The following HRK variants were observed in gnomAD, a reference collection of about 807,000 sequenced individuals.
The protein encoded by HRK is harakiri, BCL2 interacting protein, also known as activator of apoptosis harakiri.
In HRK, 6 loss-of-function variants were observed where a neutral mutation model predicts 5.9. The ratio of observed to expected loss-of-function variants is 1.02; its 90% CI spans 0.56 to 2.01. The LOEUF (loss-of-function observed/expected upper bound fraction) is 2.01, where lower values mean the gene tolerates loss of function less well. Among genes scored for constraint, HRK ranks in the 30% most tolerant of loss-of-function variants. The probability of loss-of-function intolerance (pLI) is 0.00; values close to 1 mark genes in which losing one functional copy is unlikely to be tolerated. For missense variants in HRK, 133 were observed against 128.3 expected (o/e 1.04, Z -0.18); for synonymous variants, 85 against 65.1 (o/e 1.31, Z -1.47).
chr12:116,860,377 G>A lies in HRK; in HGVS notation c.*1146C>T, dbSNP rs890242826. 1.4e-4 allele frequency: 22 copies of A among 152,048 alleles called. No individual in the cohort carries two copies. Among genetic ancestry groups the A allele is most frequent in the African/African-American group, 5.3e-4 (22 of 41,398 alleles). The allele number at this position is 152,048 out of a possible 1,614,324, so 9.4% of individuals were successfully genotyped here. A position where few individuals can be genotyped will look rare whatever the true frequency, so the allele number is the denominator to read the frequency against. On this transcript the variant is annotated 3_prime_UTR_variant, in exon 2 of 2. Transcript: ENST00000257572. ...GATGCTGGTGCATTTCATTTAAATG[G>A]CCCACTCCCTCCCACAACATCCCCC...
At position 116,857,816 on chromosome 12, in the gene HRK, G is replaced by A. The variant is rs11068211; in HGVS notation, c.*3707C>T. 0.23 allele frequency: 35,204 copies of A among 152,096 alleles called. 5,693 individuals carry two copies. Among genetic ancestry groups the A allele is most frequent in the African/African-American group, 0.46 (19,098 of 41,420 alleles). 9.4% of individuals were successfully genotyped at this position (152,096 alleles called of 1,614,324 possible). A position where few individuals can be genotyped will look rare whatever the true frequency, so the allele number is the denominator to read the frequency against. ...TGCCTGTAATCCCAGCACTTTGGGA[G>A]GCCAAGGCAGGTGGATCACTTGAGG... On this transcript the variant is annotated 3_prime_UTR_variant, in exon 2 of 2. Transcript: ENST00000257572.
chr12:116,880,982 C>T lies in HRK; in HGVS notation c.*50G>A. On this transcript the variant is annotated 3_prime_UTR_variant, in exon 1 of 2. Coordinates refer to ENST00000257572, the MANE Select transcript of HRK (RefSeq NM_003806.4). ...CGCTCGCTCGCTCGCGTACCTGTTG[C>T]TCGCTCCGGCTGGGTCTCGGCTCCG... is the stretch of plus-strand genomic sequence containing the variant. 1 of 1,253,362 alleles carries T rather than the reference C, an allele frequency of 8.0e-7. No homozygotes were observed. Among genetic ancestry groups the T allele is most frequent in the Non-Finnish European group, 1.0e-6 (1 of 988,936 alleles). 77.6% of individuals were successfully genotyped at this position (1,253,362 alleles called of 1,614,324 possible). A position where few individuals can be genotyped will look rare whatever the true frequency, so the allele number is the denominator to read the frequency against.
chr12:116,872,846 G>A (rs1046250883), intron 1 of HRK, among the ~76,000 whole-genome samples: 1 of 138,132 alleles, frequency 7.2e-6, no homozygotes, highest in Non-Finnish European at 1.6e-5. Flanking sequence ...CGGAAGGAAG[G>A]AAGGAAGAGA....
At chr12:116,877,003 C>A (rs1374344825) in intron 1 of HRK, among the ~76,000 whole-genome samples, 1 of 152,222 alleles carries the variant, frequency 6.6e-6, no homozygotes, top group African/African-American at 2.4e-5. Context: ...AGGAATGACA[C>A]TGACCATTTC....
At position 116,878,541 on chromosome 12, in the gene HRK, T is replaced by C. The variant is rs1565885970; in HGVS notation, c.*56+2435A>G. On this transcript the variant is annotated intron_variant, in intron 1 of 1. Coordinates refer to ENST00000257572, the MANE Select transcript of HRK (RefSeq NM_003806.4). This position sits in a 1 kb window ranked among gnomAD's most constrained non-coding sequence, Gnocchi z 4.4. ...GCGGCTGGTATTCTGAGGTCAGATG[T>C]AGGCTGCAGGGAGAGAACTTGATCA... 1 of 152,348 alleles carries C rather than the reference T, an allele frequency of 6.6e-6. No homozygotes were observed. Among genetic ancestry groups the C allele is most frequent in the Non-Finnish European group, 1.5e-5 (1 of 68,128 alleles). The allele number at this position is 152,348 out of a possible 1,614,324, so 9.4% of individuals were successfully genotyped here.
intron 1 of HRK, among the ~76,000 whole-genome samples, chr12:116,876,972 C>T (rs1229144450): frequency 6.6e-6 from 1 of 152,212 alleles, no homozygotes; most frequent in Non-Finnish European, 1.5e-5. Flanking sequence ...CTCTCTGCCT[C>T]GGCTTCCCCT....
chr12:116,869,739 T>C (rs1440553584), intron 1 of HRK: 3 of 152,214 alleles, frequency 2.0e-5, no homozygotes, highest in Non-Finnish European at 2.9e-5. Flanking sequence ...CTTTTTGGTC[T>C]GCCAACAGTC....
At chr12:116,868,095 A>T (rs1018139096) in intron 1 of HRK, among the ~76,000 whole-genome samples, 2 of 150,992 alleles carry the variant, frequency 1.3e-5, no homozygotes, top group Non-Finnish European at 2.9e-5. Context: ...TTCAAGAAAA[A>T]TTGGAAATAC....
At chr12:116,864,333 T>G (rs559036917) in intron 1 of HRK, among the ~76,000 whole-genome samples, 2 of 152,326 alleles carry the variant, frequency 1.3e-5, no homozygotes, top group South Asian at 4.1e-4. Context: ...GTGCTAAGCA[T>G]GGTTATCCGC....
chr12:116,863,783 C>T (rs1268891041), intron 1 of HRK, among the ~76,000 whole-genome samples: 2 of 151,992 alleles, frequency 1.3e-5, no homozygotes, highest in Non-Finnish European at 1.5e-5. Flanking sequence ...ACTGCACCCT[C>T]GACCTCCTGA....
At chr12:116,870,421 G>A (rs1446344474) in intron 1 of HRK, among the ~76,000 whole-genome samples, 1 of 152,144 alleles carries the variant, frequency 6.6e-6, no homozygotes, top group Non-Finnish European at 1.5e-5. Flanking sequence ...CTGGCTAGAG[G>A]TGTGGTCCAT....
intron 1 of HRK, among the ~76,000 whole-genome samples, chr12:116,877,108 T>C (rs753804382): frequency 3.3e-5 from 5 of 152,170 alleles, no homozygotes; most frequent in Non-Finnish European, 5.9e-5. Context: ...TGGAGTGCAA[T>C]AGTGCGATCT....
Position 116,881,128 on chromosome 12 carries a change from C to T in HRK, c.180G>A (p.Pro60=). The part of the protein sequence containing the change: ...WRRRARSRRA[P]APGALPTYWP... ...AGTAGGTGGGGAGCGCGCCGGGCGC[C>T]GGCGCCCTCCGGCTCCGCGCGCGGC... Residue 60 remains proline, a synonymous_variant, in exon 1 of 2, where the codon CCG becomes CCA. Transcript: ENST00000257572. The T allele has an allele frequency of 8.3e-7, 1 of 1,210,362 alleles. No individual in the cohort carries two copies. 75.0% of individuals were successfully genotyped at this position (1,210,362 alleles called of 1,614,324 possible).
In HRK at chr12:116,880,971, C is replaced by A; in HGVS notation, c.*56+5G>T. On this transcript the variant is annotated splice_donor_5th_base_variant and intron_variant, in intron 1 of 1. Coordinates refer to ENST00000257572, the MANE Select transcript of HRK (RefSeq NM_003806.4). ...GCCCCGGCTCTCGCTCGCTCGCTCG[C>A]GTACCTGTTGCTCGCTCCGGCTGGG... The A allele has an allele frequency of 1.6e-6, 2 of 1,221,550 alleles. No individual in the cohort carries two copies. The highest frequency in any genetic ancestry group is 2.1e-6 in the Non-Finnish European group (2 of 963,050). 75.7% of individuals were successfully genotyped at this position (1,221,550 alleles called of 1,614,324 possible).
At position 116,880,963 on chromosome 12, in the gene HRK, C is replaced by T. The variant is rs1286312983; in HGVS notation, c.*56+13G>A. 2 of 1,194,388 alleles carry T rather than the reference C, an allele frequency of 1.7e-6. No individual in the cohort carries two copies. Among genetic ancestry groups the T allele is most frequent in the African/African-American group, 3.2e-5 (2 of 62,214 alleles). 74.0% of individuals were successfully genotyped at this position (1,194,388 alleles called of 1,614,324 possible). ...GCTGCCGCGCCCCGGCTCTCGCTCG[C>T]TCGCTCGCGTACCTGTTGCTCGCTC... On this transcript the variant is annotated intron_variant, in intron 1 of 1. Transcript: ENST00000257572.
In HRK at chr12:116,881,354, C is replaced by T; in HGVS notation, c.-47G>A. On this transcript the variant is annotated 5_prime_UTR_variant, in exon 1 of 2. Transcript: ENST00000257572. Reference sequence around the variant, plus strand: ...CCCGCGCTCGGGCCGCCCCTCGCCTCCTCTCCCTCCGGCCTCTGCGCCCGC... The same window carrying T: ...CCCGCGCTCGGGCCGCCCCTCGCCTTCTCTCCCTCCGGCCTCTGCGCCCGC... 1 of 1,055,190 alleles carries T rather than the reference C, an allele frequency of 9.5e-7. No individual in the cohort carries two copies. Among genetic ancestry groups the T allele is most frequent in the Non-Finnish European group, 1.1e-6 (1 of 876,556 alleles). 65.4% of individuals were successfully genotyped at this position (1,055,190 alleles called of 1,614,324 possible).
rs1879078778 is a variant in HRK, at chr12:116,879,863, G to A, written c.*56+1113C>T. Among the ~76,000 whole-genome samples, 1 of 152,186 alleles carries A rather than the reference G, an allele frequency of 6.6e-6. No homozygotes were observed. Among genetic ancestry groups the A allele is most frequent in the Non-Finnish European group, 1.5e-5 (1 of 68,024 alleles). The stretch of plus-strand genomic sequence containing the variant: ...GCGGGGCTCGGGGGCGGGGACCTAA[G>A]GGCGGCTGGCTATGTCACCTTCGAG... On this transcript the variant is annotated intron_variant, in intron 1 of 1. Coordinates refer to ENST00000257572, the MANE Select transcript of HRK (RefSeq NM_003806.4). This position sits in a 1 kb window ranked among gnomAD's most constrained non-coding sequence, Gnocchi z 5.6.
Position 116,881,338 on chromosome 12 carries a change from G to C in HRK, c.-31C>G. 9.5e-7 allele frequency: 1 copy of C among 1,056,238 alleles called. No homozygotes were observed. The highest frequency in any genetic ancestry group is 1.1e-6 in the Non-Finnish European group (1 of 877,418). 65.4% of individuals were successfully genotyped at this position (1,056,238 alleles called of 1,614,324 possible). A position where few individuals can be genotyped will look rare whatever the true frequency, so the allele number is the denominator to read the frequency against. On this transcript the variant is annotated 5_prime_UTR_variant, in exon 1 of 2. Transcript: ENST00000257572. ...CTGGCCTCGCTCCCGCCCCGCGCTCGGGCCGCCCCTCGCCTCCTCTCCCTC... is the reference window on the plus strand; with the variant it reads ...CTGGCCTCGCTCCCGCCCCGCGCTCCGGCCGCCCCTCGCCTCCTCTCCCTC...
intron 1 of HRK, among the ~76,000 whole-genome samples, chr12:116,871,312 A>AT (rs537688132): frequency 1.3e-5 from 2 of 149,180 alleles, no homozygotes; most frequent in Admixed American, 6.7e-5. Context: ...CATTAAAAAC[A>AT]TTTTTTTTTA....
Sources: allele counts gnomAD v4.1 joint callset (sites outside exome capture counted in the v4.1 genomes callset), GRCh38; gene constraint gnomAD v4.1.1; non-coding constraint Gnocchi (gnomAD v3.1); transcripts MANE v1.5; gene names NCBI Gene and HGNC (gene_info 2026-07-23, HGNC 2026-07-21).